PTCHD4: variants seen among roughly 807,000 people sequenced by gnomAD.
PTCHD4 encodes the protein patched domain containing 4, also known as patched domain-containing protein 4.
In PTCHD4, 33 loss-of-function variants were observed where a neutral mutation model predicts 58.1. That is an observed-to-expected ratio of 0.57 (90% CI 0.43 to 0.76). PTCHD4 has a LOEUF of 0.76. PTCHD4 is among the 30% of genes least tolerant of loss of function. The pLI is 0.00. For synonymous variants in PTCHD4, 478 were observed against 409.6 expected, an observed-to-expected ratio of 1.17 and a Z score of -2.02; for missense variants, 1,058 against 1,027.1, an observed-to-expected ratio of 1.03 and a Z score of -0.41.
rs1315578920 is a variant in PTCHD4 at position 47,867,958 on chromosome 6, T to A, written c.*10345A>T. On this transcript the variant is annotated 3_prime_UTR_variant, in exon 5 of 5. Transcript: ENST00000339488. ...ACTTCAGAAACCCATCTACATCAAA[T>A]CTTGATCCTAAAATGGGACTGAATT... Among the ~76,000 whole-genome samples the A allele has an allele frequency of 6.6e-6, 1 of 151,696 alleles. No homozygotes were observed. The highest frequency in any genetic ancestry group is 2.4e-5 in the African/African-American group (1 of 41,384).
intron 4 of PTCHD4, among the ~76,000 whole-genome samples, chr6:47,897,940 C>CT (rs67063892): frequency 0.032 from 2,431 of 76,154 alleles, 138 homozygotes; most frequent in African/African-American, 0.07. Flanking sequence ...TTCTTTCTTT[C>CT]TTTTTTTTTT....
At chr6:48,053,505 T>C (rs1024634496) in intron 3 of PTCHD4, among the ~76,000 whole-genome samples, 1 of 52,968 alleles carries the variant, frequency 1.9e-5, no homozygotes, top group African/African-American at 7.5e-5. Flanking sequence ...CTAATAACAA[T>C]TTAATAAAAA....
At chr6:48,059,389 C>A (rs1764535913) in intron 3 of PTCHD4, among the ~76,000 whole-genome samples, 1 of 152,018 alleles carries the variant, frequency 6.6e-6, no homozygotes, top group Non-Finnish European at 1.5e-5. Flanking sequence ...GCCTGTAATC[C>A]CAGCACTTTG....
At chr6:48,053,717 G>A (rs929189620) in intron 3 of PTCHD4, among the ~76,000 whole-genome samples, 3 of 152,000 alleles carry the variant, frequency 2.0e-5, no homozygotes, top group African/African-American at 4.8e-5. Flanking sequence ...TAAGCAATCC[G>A]GGACATCTTA....
chr6:47,961,124 T>C (rs1024590654), intron 4 of PTCHD4, among the ~76,000 whole-genome samples: 2 of 152,012 alleles, frequency 1.3e-5, no homozygotes, highest in Admixed American at 6.6e-5. Flanking sequence ...AAAAAAAAAT[T>C]TCAGGTTCTA....
Position 47,872,696 on chromosome 6 carries a change from C to A in PTCHD4, c.*5607G>T, listed in dbSNP as rs540514387. Among the ~76,000 whole-genome samples the A allele has an allele frequency of 1.1e-4, 17 of 151,620 alleles. No homozygotes were observed. In the East Asian group the frequency reaches 3.3e-3, roughly 30 times the overall value. On this transcript the variant is annotated 3_prime_UTR_variant, in exon 5 of 5. Coordinates refer to ENST00000339488, the MANE Select transcript of PTCHD4 (RefSeq NM_001384253.1). ...GATAGTGCAAAATCAGTGATAGTTT[C>A]CTTTATAAATACTTTATTATATTAA...
chr6:48,048,777 T>C (rs1764128635), intron 3 of PTCHD4, among the ~76,000 whole-genome samples: 1 of 152,006 alleles, frequency 6.6e-6, no homozygotes, highest in Admixed American at 6.6e-5. Flanking sequence ...TTGAAATAGG[T>C]TTCTAATCTA....
At position 48,045,310 on chromosome 6, in the gene PTCHD4, C is replaced by T. The variant is rs1283432162; in HGVS notation, c.417+22920G>A. Among the ~76,000 whole-genome samples, 3 of 151,794 alleles carry T rather than the reference C, an allele frequency of 2.0e-5. No individual in the cohort carries two copies. The East Asian group carries it at 5.8e-4, about 29-fold the overall frequency. ...TCCTTTACTATGGTTTGATTCCATT[C>T]TCTCCTCTAACAGCAGAGGTGAGAA... On this transcript the variant is annotated intron_variant, in intron 3 of 4. Coordinates refer to ENST00000339488, the MANE Select transcript of PTCHD4 (RefSeq NM_001384253.1).
At chr6:47,923,516 C>T (rs1765499367) in intron 4 of PTCHD4, among the ~76,000 whole-genome samples, 1 of 152,146 alleles carries the variant, frequency 6.6e-6, no homozygotes, top group East Asian at 1.9e-4. Context: ...TCATTTCCAA[C>T]CAGATGTCTT....
chr6:47,908,919 A>G (rs1764983375), intron 4 of PTCHD4, among the ~76,000 whole-genome samples: 1 of 152,332 alleles, frequency 6.6e-6, no homozygotes, highest in Non-Finnish European at 1.5e-5. Flanking sequence ...TAATGAAATA[A>G]TAATAATGAT....
At chr6:47,989,532 G>A (rs1768204760) in intron 4 of PTCHD4, among the ~76,000 whole-genome samples, 1 of 152,132 alleles carries the variant, frequency 6.6e-6, no homozygotes, top group Non-Finnish European at 1.5e-5. Context: ...TAGGTACTTG[G>A]TTCCCTGCAT....
intron 3 of PTCHD4, among the ~76,000 whole-genome samples, chr6:48,032,076 T>A (rs1481696924): frequency 2.0e-5 from 2 of 97,846 alleles, no homozygotes; most frequent in Admixed American, 1.8e-4. Flanking sequence ...ACCCCAGGCA[T>A]TTTTTTTTTG....
chr6:47,902,294 A>G (rs571353604), intron 4 of PTCHD4, among the ~76,000 whole-genome samples: 1 of 152,324 alleles, frequency 6.6e-6, no homozygotes, highest in South Asian at 2.1e-4. Flanking sequence ...GGAGATTCAG[A>G]TACATTCTAT....
chr6:48,009,195 A>G (rs1762582623), intron 3 of PTCHD4, 81 bp from the exon 4 acceptor site: 1 of 1,415,424 alleles, frequency 7.1e-7, no homozygotes, highest in Non-Finnish European at 9.4e-7. Flanking sequence ...GAAGGAGCAC[A>G]AGGAAGGCAG....
rs142262197 is a variant in PTCHD4 at position 47,882,226 on chromosome 6, A to C, written c.899-2290T>G. Among the ~76,000 whole-genome samples, 857 of 152,246 alleles carry C rather than the reference A, an allele frequency of 5.6e-3. 4 individuals are homozygous for C. Among genetic ancestry groups the C allele is most frequent in the Non-Finnish European group, 9.8e-3 (664 of 67,970 alleles). ...GTCACAAGGTGGGGAAAGGCTACATAGAGCTACAGCTAAATTTGGCTTGCC... is the reference window on the plus strand; with the variant it reads ...GTCACAAGGTGGGGAAAGGCTACATCGAGCTACAGCTAAATTTGGCTTGCC... On this transcript the variant is annotated intron_variant, in intron 4 of 4. Coordinates refer to ENST00000339488, the MANE Select transcript of PTCHD4 (RefSeq NM_001384253.1).
At chr6:48,003,346 G>T (rs11751251) in intron 4 of PTCHD4, among the ~76,000 whole-genome samples, 11,227 of 152,140 alleles carry the variant, frequency 0.074, 540 homozygotes, top group Non-Finnish European at 0.11. Context: ...TTCCTCTCAT[G>T]ACTTCACTAC....
In PTCHD4 at chr6:47,952,497, C is replaced by T. The variant is rs140585727; in HGVS notation, c.898+56137G>A. Among the ~76,000 whole-genome samples the T allele has an allele frequency of 4.7e-4, 72 of 152,098 alleles. 3 individuals are homozygous for T. The East Asian group carries it at 0.013, about 27-fold the overall frequency. ...TTAACTGTAGAATAAGTATATACCG[C>T]CCCCCATGCAACCACACCCACATAT... On this transcript the variant is annotated intron_variant, in intron 4 of 4. Transcript: ENST00000339488.
intron 3 of PTCHD4, among the ~76,000 whole-genome samples, chr6:48,057,535 C>G (rs1269772249): frequency 6.6e-6 from 1 of 152,190 alleles, no homozygotes; most frequent in Non-Finnish European, 1.5e-5. Context: ...CTACCTACCT[C>G]TAAAGTACAT....
At chr6:47,920,575 C>T (rs919275008) in intron 4 of PTCHD4, among the ~76,000 whole-genome samples, 1 of 152,136 alleles carries the variant, frequency 6.6e-6, no homozygotes, top group Admixed American at 6.5e-5. Flanking sequence ...GATGTGGATT[C>T]AACCAACATT....
Sources: allele counts gnomAD v4.1 joint callset (sites outside exome capture counted in the v4.1 genomes callset), GRCh38; gene constraint gnomAD v4.1.1; transcripts MANE v1.5; gene names NCBI Gene and HGNC (gene_info 2026-07-23, HGNC 2026-07-21).